The following CSMD1 variants were observed in gnomAD, a reference collection of about 807,000 sequenced individuals.
CSMD1 encodes the protein CUB and Sushi multiple domains 1.
A neutral mutation model predicts 417.5 loss-of-function variants in CSMD1; 213 were observed. That is an observed-to-expected ratio of 0.51 (90% CI 0.46 to 0.57). The LOEUF is 0.57. Ranked by LOEUF, CSMD1 falls within the 20% of genes least tolerant of loss-of-function variation. The probability of loss-of-function intolerance (pLI) is 0.00; values close to 1 mark genes in which losing one functional copy is unlikely to be tolerated. For synonymous variants in CSMD1, 2,862 were observed against 1,736.8 expected, an observed-to-expected ratio of 1.65 and a Z score of -16.11; for missense variants, 6,923 against 4,529.7, an observed-to-expected ratio of 1.53 and a Z score of -15.17.
intron 5 of CSMD1, among the ~76,000 whole-genome samples, chr8:3,817,563 G>A (rs1226285631): frequency 6.6e-6 from 1 of 152,020 alleles, no homozygotes; most frequent in Non-Finnish European, 1.5e-5. Flanking sequence ...GCAGGCATGA[G>A]CCACTGCGCC....
chr8:3,927,273 G>T (rs904220581), intron 5 of CSMD1, among the ~76,000 whole-genome samples: 1 of 151,854 alleles, frequency 6.6e-6, no homozygotes, highest in Non-Finnish European at 1.5e-5. Flanking sequence ...GCAGACATAA[G>T]CTAATAATTA....
chr8:3,740,654 T>G (rs926417260), intron 6 of CSMD1, among the ~76,000 whole-genome samples: 1 of 152,128 alleles, frequency 6.6e-6, no homozygotes, highest in Admixed American at 6.5e-5. Context: ...GGACCTGGGA[T>G]GTAGATTTTA....
At chr8:4,620,728 T>C (rs1026057055) in intron 2 of CSMD1, among the ~76,000 whole-genome samples, 1 of 151,822 alleles carries the variant, frequency 6.6e-6, no homozygotes, top group African/African-American at 2.4e-5. Flanking sequence ...TAAATCACTA[T>C]AAAATGTTTG....
intron 12 of CSMD1, among the ~76,000 whole-genome samples, chr8:3,462,810 C>G (rs530705046): frequency 1.3e-5 from 2 of 152,182 alleles, no homozygotes; most frequent in East Asian, 3.9e-4. Context: ...ATCTAAGAAC[C>G]TGATGTGGTC....
intron 45 of CSMD1, 179 bp from the exon 46 acceptor site, chr8:3,106,820 A>G (rs1816179165): frequency 2.1e-6 from 1 of 485,344 alleles, no homozygotes; most frequent in African/African-American, 1.9e-5. Context: ...TTAATTTATA[A>G]AAATGCTCTA....
chr8:3,960,697 A>G (rs937098112), intron 5 of CSMD1, among the ~76,000 whole-genome samples: 35 of 152,004 alleles, frequency 2.3e-4, no homozygotes, highest in African/African-American at 8.0e-4. Flanking sequence ...GATAAATTTA[A>G]TAAGATATAT....
chr8:4,610,308 C>G (rs1157910882), intron 2 of CSMD1, among the ~76,000 whole-genome samples: 1 of 152,192 alleles, frequency 6.6e-6, no homozygotes, highest in African/African-American at 2.4e-5. Context: ...CAATATCCCT[C>G]TAGTATTAAA....
At chr8:3,434,599 AAT>A (rs1239279457) in intron 12 of CSMD1, among the ~76,000 whole-genome samples, 1 of 152,192 alleles carries the variant, frequency 6.6e-6, no homozygotes, top group Non-Finnish European at 1.5e-5. Flanking sequence ...TCCAGCCTAA[AAT>A]CATGAGGAAA....
chr8:3,483,479 G>T (rs1302872749), intron 11 of CSMD1, among the ~76,000 whole-genome samples: 1 of 151,872 alleles, frequency 6.6e-6, no homozygotes, highest in Non-Finnish European at 1.5e-5. Context: ...GAAATTAATG[G>T]TATAACATGT....
chr8:4,179,143 A>C (rs1798216565), intron 3 of CSMD1, among the ~76,000 whole-genome samples: 2 of 152,218 alleles, frequency 1.3e-5, no homozygotes, highest in Non-Finnish European at 2.9e-5. Flanking sequence ...CAAAGGAAGA[A>C]AGCTGGAGGC....
intron 2 of CSMD1, among the ~76,000 whole-genome samples, chr8:4,422,026 T>C (rs927038625): frequency 1.3e-5 from 2 of 152,090 alleles, no homozygotes; most frequent in African/African-American, 2.4e-5. Flanking sequence ...AAACTACATA[T>C]GTAAAATTGG....
At chr8:3,864,216 C>G (rs1804922239) in intron 5 of CSMD1, among the ~76,000 whole-genome samples, 1 of 152,140 alleles carries the variant, frequency 6.6e-6, no homozygotes, top group Non-Finnish European at 1.5e-5. Flanking sequence ...AGAAATACTC[C>G]TTGCTCATAC....
intron 23 of CSMD1, among the ~76,000 whole-genome samples, chr8:3,316,801 G>A (rs886480745): frequency 3.3e-5 from 5 of 152,120 alleles, no homozygotes; most frequent in African/African-American, 7.2e-5. Context: ...GCAGTGGGGG[G>A]AAGGCAACGG....
intron 37 of CSMD1, among the ~76,000 whole-genome samples, chr8:3,168,631 TCACACA>T (rs59927132): frequency 6.7e-6 from 1 of 148,800 alleles, no homozygotes; most frequent in Admixed American, 6.7e-5. Context: ...TAAGTCTTCA[TCACACA>T]CACACACACA....
intron 1 of CSMD1, among the ~76,000 whole-genome samples, chr8:4,893,652 G>C (rs144986948): frequency 6.6e-6 from 1 of 152,000 alleles, no homozygotes; most frequent in Non-Finnish European, 1.5e-5. Flanking sequence ...ATGAGAAGCC[G>C]AACTTCTTTT....
chr8:3,649,464 T>C (rs1456961015), intron 7 of CSMD1, among the ~76,000 whole-genome samples: 1 of 152,162 alleles, frequency 6.6e-6, no homozygotes, highest in Non-Finnish European at 1.5e-5. Flanking sequence ...TGACTCACAG[T>C]TCATCATGGC....
chr8:4,932,596 G>C (rs1032647927), intron 1 of CSMD1, among the ~76,000 whole-genome samples: 25 of 152,292 alleles, frequency 1.6e-4, no homozygotes, highest in South Asian at 4.1e-4. Context: ...GCAGGATTTT[G>C]GCAAATAGAC....
intron 41 of CSMD1, among the ~76,000 whole-genome samples, chr8:3,132,011 T>C (rs17079489): frequency 0.11 from 16,732 of 152,162 alleles, 2,167 homozygotes; most frequent in African/African-American, 0.31. Flanking sequence ...CACTGGCTCA[T>C]GTCCAAACTC....
intron 1 of CSMD1, among the ~76,000 whole-genome samples, chr8:4,880,665 GAC>G (rs1272764127): frequency 6.6e-6 from 1 of 152,034 alleles, no homozygotes; most frequent in African/African-American, 2.4e-5. Flanking sequence ...CGGAAGTGGA[GAC>G]AGAGAGACTT....
Sources: allele counts gnomAD v4.1 joint callset (sites outside exome capture counted in the v4.1 genomes callset), GRCh38; gene constraint gnomAD v4.1.1; transcripts MANE v1.5; gene names NCBI Gene and HGNC (gene_info 2026-07-23, HGNC 2026-07-21).